The following LYZL2 variants were observed in gnomAD, a reference collection of about 807,000 sequenced individuals.
LYZL2 encodes lysozyme-like protein 2.
In LYZL2, 13 loss-of-function variants were observed where a neutral mutation model predicts 17.1. The observed-to-expected ratio is 0.76, with a 90% CI of 0.49 to 1.21. LYZL2 has a LOEUF of 1.21. Ranked by LOEUF, LYZL2 falls within the 50% of genes most tolerant of loss-of-function variation. The pLI, the probability that LYZL2 is intolerant of heterozygous loss-of-function variation, is 0.00. For missense variants in LYZL2, 166 were observed against 189.2 expected (o/e 0.88, Z 0.72); for synonymous variants, 63 against 74.4 (o/e 0.85, Z 0.79).
intron 3 of LYZL2, among the ~76,000 whole-genome samples, chr10:30,617,699 G>GAAAAAAAAAAAAAAA (rs1838556350): frequency 1.1e-5 from 1 of 90,222 alleles, no homozygotes; most frequent in Non-Finnish European, 2.4e-5. Flanking sequence ...AAAAAAAAAA[G>GAAAAAAAAAAAAAAA]AAAAGAAAAA....
At position 30,612,667 on chromosome 10, in the gene LYZL2, C is replaced by A. The variant is rs112876280; in HGVS notation, c.377+155G>T. The stretch of plus-strand genomic sequence containing the variant: ...TATGTACTACTATGTTCACTGCACA[C>A]CCACACACTGATGGAGGAGAATATA... On this transcript the variant is annotated intron_variant, in intron 4 of 4. Transcript: ENST00000647634. 3.8e-3 allele frequency among the ~76,000 whole-genome samples: 585 copies of A among 152,326 alleles called. 2 individuals are homozygous for A. Among genetic ancestry groups the A allele is most frequent in the African/African-American group, 0.012 (508 of 41,562 alleles).
At chr10:30,606,759 A>T in the LYZL2 span, among the ~76,000 whole-genome samples, 9 of 152,032 alleles carry the variant, frequency 5.9e-5, no homozygotes, top group Admixed American at 2.6e-4. Context: ...ACAGCTATCA[A>T]CTTTGCTCTA....
rs1838554370 is a variant in LYZL2 at position 30,617,679 on chromosome 10, A to AAAAAAAAAAAAAAAAAAAAG, written c.299-4799_299-4780dup. ...GACAGAGTGAGACTCTGTCTCAAAA[A>AAAAAAAAAAAAAAAAAAAAG]AAAAAAAAAAAAAAAAAAAGAAAAG... On this transcript the variant is annotated intron_variant, in intron 3 of 4. Transcript: ENST00000647634. Among the ~76,000 whole-genome samples the AAAAAAAAAAAAAAAAAAAAG allele has an allele frequency of 4.6e-3, 486 of 106,598 alleles. 7 individuals carry two copies. The highest frequency in any genetic ancestry group is 0.011 in the East Asian group (41 of 3,778). 69.9% of individuals were successfully genotyped at this position (106,598 alleles called of 152,430 possible). A position where few individuals can be genotyped will look rare whatever the true frequency, so the allele number is the denominator to read the frequency against.
chr10:30,618,494 C>G (rs956908829), intron 3 of LYZL2, among the ~76,000 whole-genome samples: 11 of 152,162 alleles, frequency 7.2e-5, no homozygotes, highest in African/African-American at 2.7e-4. Flanking sequence ...ATCAATGGAA[C>G]AGAACAGAGC....
At chr10:30,624,364 C>T (rs1838670882) in intron 3 of LYZL2, among the ~76,000 whole-genome samples, 1 of 152,222 alleles carries the variant, frequency 6.6e-6, no homozygotes, top group Admixed American at 6.5e-5. Flanking sequence ...CAGCACAAGT[C>T]ATGTCCCTTG....
downstream of LYZL2, chr10:30,611,686 A>C (rs1838443855): frequency 5.1e-6 from 2 of 388,770 alleles, no homozygotes; most frequent in Non-Finnish European, 8.7e-6. Flanking sequence ...AAAGGAAGGA[A>C]GGAAAGAAAG....
chr10:30,617,929 T>C (rs12416090), intron 3 of LYZL2, among the ~76,000 whole-genome samples: 21,612 of 151,626 alleles, frequency 0.14, 1,659 homozygotes, highest in East Asian at 0.24. Context: ...GAAAACCCCA[T>C]TGTCTCAGCC....
chr10:30,611,665 AAGAG>A (rs761054915), downstream of LYZL2: 2 of 343,858 alleles, frequency 5.8e-6, no homozygotes, highest in East Asian at 6.4e-5. Context: ...AAGGAAGAGA[AAGAG>A]AGAAAGAAAG....
At chr10:30,608,187 C>T (rs1462393701), downstream of LYZL2, among the ~76,000 whole-genome samples, 2 of 152,230 alleles carry the variant, frequency 1.3e-5, no homozygotes, top group Non-Finnish European at 2.9e-5. Context: ...AAGCAATCTT[C>T]CAGACTCAGC....
chr10:30,621,196 A>T (rs1838613211), intron 3 of LYZL2, among the ~76,000 whole-genome samples: 1 of 152,208 alleles, frequency 6.6e-6, no homozygotes, highest in Non-Finnish European at 1.5e-5. Context: ...ACTAGAGAAA[A>T]AAAACACATA....
rs1376063536 is a variant in LYZL2, at chr10:30,629,715, C to G, written c.-148G>C. 13 of 1,605,186 alleles carry G rather than the reference C, an allele frequency of 8.1e-6. No individual in the cohort carries two copies. Among genetic ancestry groups the G allele is most frequent in the Non-Finnish European group, 1.1e-5 (13 of 1,173,902 alleles). On this transcript the variant is annotated 5_prime_UTR_variant, in exon 1 of 5. Coordinates refer to ENST00000647634, the MANE Select transcript of LYZL2 (RefSeq NM_183058.3). Reference sequence around the variant, plus strand: ...GGGGAGCGTCCTGCATCCCCTGAAGCCATGTCTGATTCTAACAAGGCTCGA... The same window carrying G: ...GGGGAGCGTCCTGCATCCCCTGAAGGCATGTCTGATTCTAACAAGGCTCGA...
chr10:30,608,145 G>C (rs1838396305), downstream of LYZL2, among the ~76,000 whole-genome samples: 1 of 152,154 alleles, frequency 6.6e-6, no homozygotes, highest in African/African-American at 2.4e-5. Flanking sequence ...ATCTTGCCCT[G>C]TTGCCCAGGC....
At chr10:30,625,083 G>A (rs1391222550) in intron 3 of LYZL2, among the ~76,000 whole-genome samples, 1 of 152,060 alleles carries the variant, frequency 6.6e-6, no homozygotes, top group Non-Finnish European at 1.5e-5. Flanking sequence ...ACCCAAATGA[G>A]CAAGGACATG....
intron 3 of LYZL2, among the ~76,000 whole-genome samples, chr10:30,623,934 G>A (rs191411769): frequency 1.9e-4 from 29 of 152,246 alleles, no homozygotes; most frequent in South Asian, 6.2e-4. Flanking sequence ...CTGTAATGAG[G>A]TGAAACTAGA....
rs574559044 is a variant in LYZL2, at chr10:30,619,031, C to T, written c.299-6131G>A. Among the ~76,000 whole-genome samples, 387 of 152,356 alleles carry T rather than the reference C, an allele frequency of 2.5e-3. 2 individuals are homozygous for T. Among genetic ancestry groups the T allele is most frequent in the African/African-American group, 8.8e-3 (368 of 41,590 alleles). On this transcript the variant is annotated intron_variant, in intron 3 of 4. Coordinates refer to ENST00000647634, the MANE Select transcript of LYZL2 (RefSeq NM_183058.3). ...AGTGGGCAAAGTATATGAACAGACA[C>T]TTCTCAAAAGAAGATATTTATGCAG...
intron 3 of LYZL2, among the ~76,000 whole-genome samples, chr10:30,617,068 T>C (rs1253048082): frequency 6.6e-6 from 1 of 152,132 alleles, no homozygotes; most frequent in Non-Finnish European, 1.5e-5. Context: ...GTCTAGCGTA[T>C]TTCCTGGGAG....
chr10:30,623,837 C>T (rs1838661506), intron 3 of LYZL2, among the ~76,000 whole-genome samples: 2 of 152,148 alleles, frequency 1.3e-5, no homozygotes, highest in African/African-American at 4.8e-5. Flanking sequence ...ATCCTCCTCC[C>T]CCTCGTCCAC....
At chr10:30,619,570 C>T (rs1341529476) in intron 3 of LYZL2, among the ~76,000 whole-genome samples, 1 of 151,324 alleles carries the variant, frequency 6.6e-6, no homozygotes, top group East Asian at 1.9e-4. Context: ...AGCAAACTAT[C>T]ACAAGGACAA....
intron 3 of LYZL2, among the ~76,000 whole-genome samples, chr10:30,617,651 G>A (rs1838551672): frequency 8.1e-6 from 1 of 123,814 alleles, no homozygotes; most frequent in South Asian, 2.9e-4. Flanking sequence ...CTTCAGCCTG[G>A]GTGACAGAGT....
Sources: gnomAD v4.1 joint callset for allele counts (sites outside exome capture counted in the v4.1 genomes callset) on GRCh38, gnomAD v4.1.1 for gene constraint, MANE v1.5 for transcripts, NCBI Gene and HGNC (gene_info 2026-07-23, HGNC 2026-07-21) for gene names.